ARHGEF7: variants seen among roughly 807,000 people sequenced by gnomAD.
ARHGEF7 encodes the protein Rho guanine nucleotide exchange factor 7, also known as PAK-interacting exchange factor beta.
A neutral mutation model predicts 109.8 loss-of-function variants in ARHGEF7; 33 were observed. That is an observed-to-expected ratio of 0.30 (90% confidence interval 0.23 to 0.40). ARHGEF7 has a LOEUF of 0.40. Among genes scored for constraint, ARHGEF7 ranks in the 10% least tolerant of loss-of-function variants. The pLI is 1.00. For missense variants in ARHGEF7, 938 were observed against 1,098.5 expected, an observed-to-expected ratio of 0.85 and a Z score of 2.07; for synonymous variants, 458 against 424.6, an observed-to-expected ratio of 1.08 and a Z score of -0.97.
intron 1 of ARHGEF7, 149 bp downstream of exon 1, chr13:111,115,840 C>G (rs1257591124): frequency 6.4e-5 from 16 of 250,410 alleles, no homozygotes; most frequent in East Asian, 2.1e-4. Context: ...GCGCCAGGAC[C>G]GTGGCGGGAG....
intron 2 of ARHGEF7, among the ~76,000 whole-genome samples, chr13:111,164,929 T>A (rs1191422919): frequency 6.6e-6 from 1 of 152,234 alleles, no homozygotes; most frequent in Admixed American, 6.5e-5. Flanking sequence ...CCATTTTACC[T>A]GTCAGTGATA....
chr13:111,274,392 A>G (rs1410674952), intron 10 of ARHGEF7, among the ~76,000 whole-genome samples: 1 of 152,226 alleles, frequency 6.6e-6, no homozygotes, highest in Non-Finnish European at 1.5e-5. Flanking sequence ...AACCTTTTCT[A>G]TAAGGGGGCA....
chr13:111,176,238 A>T (rs1017982499), intron 2 of ARHGEF7, among the ~76,000 whole-genome samples: 1 of 152,186 alleles, frequency 6.6e-6, no homozygotes, highest in Non-Finnish European at 1.5e-5. Context: ...CTGCTGGAGG[A>T]TTTTAAGCCT....
chr13:111,210,127 G>C, intron 4 of ARHGEF7, 125 bp downstream of exon 4: 1 of 1,274,562 alleles, frequency 7.8e-7, no homozygotes, highest in Non-Finnish European at 1.1e-6. Flanking sequence ...GCTGGACTTC[G>C]CCTCCGTTGT....
intron 1 of ARHGEF7, among the ~76,000 whole-genome samples, chr13:111,128,407 C>T (rs2067721467): frequency 6.6e-6 from 1 of 152,158 alleles, no homozygotes; most frequent in Non-Finnish European, 1.5e-5. Context: ...GCAGGAGAAT[C>T]GCCTGAACCT....
At chr13:111,182,277 A>G (rs1219538711) in intron 2 of ARHGEF7, 1 of 152,196 alleles carries the variant, frequency 6.6e-6, no homozygotes, top group Non-Finnish European at 1.5e-5. Context: ...CTCTGTACCT[A>G]ATGGAGCCCC....
chr13:111,132,363 CT>C (rs907873818), intron 1 of ARHGEF7, among the ~76,000 whole-genome samples: 3 of 152,116 alleles, frequency 2.0e-5, no homozygotes, highest in Non-Finnish European at 2.9e-5. Flanking sequence ...AATATTTCCC[CT>C]TTGATTCATT....
chr13:111,237,106 G>A (rs1404319162), intron 6 of ARHGEF7, among the ~76,000 whole-genome samples: 1 of 152,160 alleles, frequency 6.6e-6, no homozygotes, highest in East Asian at 1.9e-4. Flanking sequence ...AATGACAAAG[G>A]AAAAGATAAA....
In ARHGEF7 at chr13:111,280,320, G is replaced by C; in HGVS notation, c.1555G>C (p.Glu519Gln). ...GACAATCACAAAGCTTGAGGACAGT[G>C]AAAATCATAGAAATGCATTTGAAAT... The part of the protein sequence containing the change: ...GMTITKLEDS[E>Q]NHRNAFEISG... The change falls in exon 14 of 22, where the codon GAA becomes CAA. Residue 519 changes from glutamate (E) to glutamine (Q), a missense_variant. By Grantham distance (29) the Glu-to-Gln change is conservative. Around this residue, in one of 4 missense-constraint regions of ARHGEF7, gnomAD observed 585 missense variants for 723.6 expected, o/e 0.81. Transcript: ENST00000646102. The C allele has an allele frequency of 6.2e-7, 1 of 1,613,246 alleles. No homozygotes were observed. The highest frequency in any genetic ancestry group is 8.5e-7 in the Non-Finnish European group (1 of 1,179,778).
At chr13:111,297,113 T>G (rs1295441619) in intron 19 of ARHGEF7, among the ~76,000 whole-genome samples, 1 of 152,274 alleles carries the variant, frequency 6.6e-6, no homozygotes, top group African/African-American at 2.4e-5. Context: ...ACATCGTTCT[T>G]TAAAGAAGTA....
At chr13:111,302,453 C>T (rs529935541) in intron 21 of ARHGEF7, among the ~76,000 whole-genome samples, 32 of 152,194 alleles carry the variant, frequency 2.1e-4, no homozygotes, top group Non-Finnish European at 4.0e-4. Flanking sequence ...AAGCAGTGTC[C>T]GCAGGTCTTC....
At chr13:111,209,444 T>C (rs1256918140) in intron 3 of ARHGEF7, 1 of 153,400 alleles carries the variant, frequency 6.5e-6, no homozygotes, top group African/African-American at 2.4e-5. Context: ...TAAATAAGAG[T>C]CTTTTCCTTC....
At chr13:111,153,710 G>A (rs770593363) in intron 1 of ARHGEF7, 195 bp from the exon 2 acceptor site, 90 of 1,319,604 alleles carry the variant, frequency 6.8e-5, no homozygotes, top group East Asian at 6.0e-4. Context: ...AGCCCCGGAG[G>A]AAGAAAAAAG....
chr13:111,126,754 A>G (rs769019979), intron 1 of ARHGEF7, among the ~76,000 whole-genome samples: 21 of 152,334 alleles, frequency 1.4e-4, no homozygotes, highest in Non-Finnish European at 1.9e-4. Flanking sequence ...CTTCAAACAA[A>G]TAACCTGGAG....
intron 18 of ARHGEF7, among the ~76,000 whole-genome samples, chr13:111,290,757 A>G (rs1429267312): frequency 2.0e-5 from 3 of 152,252 alleles, no homozygotes; most frequent in Non-Finnish European, 2.9e-5. Flanking sequence ...AATTCATATT[A>G]TGGGCAAACC....
In ARHGEF7 at chr13:111,292,907, G is replaced by A. The variant is rs966804454; in HGVS notation, c.2311+613G>A. On this transcript the variant is annotated intron_variant, in intron 19 of 21. Transcript: ENST00000646102. The stretch of plus-strand genomic sequence containing the variant: ...TGGGCCTTGGCAGGTGCACAGACGG[G>A]CGGGCGTCACGTGTGTTCAGAGCTT... 13 of 987,136 alleles carry A rather than the reference G, an allele frequency of 1.3e-5. No homozygotes were observed. The Admixed American group carries it at 5.4e-4, about 41-fold the overall frequency. 61.1% of individuals were successfully genotyped at this position (987,136 alleles called of 1,614,324 possible).
chr13:111,286,135 G>T lies in ARHGEF7; in HGVS notation c.1951-12G>T. On this transcript the variant is annotated splice_polypyrimidine_tract_variant and intron_variant, in intron 16 of 21. Transcript: ENST00000646102. The stretch of plus-strand genomic sequence containing the variant: ...TTAGAGTATGTTAGCATTTTCTTTT[G>T]TCTTTCCCTAGGATCTTAGTAAGAG... The T allele has an allele frequency of 6.2e-7, 1 of 1,606,006 alleles. No homozygotes were observed. Among genetic ancestry groups the T allele is most frequent in the Non-Finnish European group, 8.5e-7 (1 of 1,172,878 alleles).
rs144515055 is a variant in ARHGEF7 at position 111,253,485 on chromosome 13, CAGT to C, written c.950+9192_950+9194del. Among the ~76,000 whole-genome samples the C allele has an allele frequency of 3.9e-3, 599 of 152,294 alleles. 7 individuals carry two copies. Among genetic ancestry groups the C allele is most frequent in the East Asian group, 0.015 (76 of 5,178 alleles). On this transcript the variant is annotated intron_variant, in intron 8 of 21. Transcript: ENST00000646102. ...ATTCTTACTTATTTTGATGGTGACTCAGTGGTGTTGTAATACTTCCCCTAAAGA... is the reference window on the plus strand; with the variant it reads ...ATTCTTACTTATTTTGATGGTGACTCGGTGTTGTAATACTTCCCCTAAAGA...
chr13:111,134,179 A>C (rs1305683780), intron 1 of ARHGEF7, among the ~76,000 whole-genome samples: 1 of 151,872 alleles, frequency 6.6e-6, no homozygotes, highest in Non-Finnish European at 1.5e-5. Flanking sequence ...CATTTTCTTA[A>C]TCCAGTCTAT....
Sources: allele counts gnomAD v4.1 joint callset (sites outside exome capture counted in the v4.1 genomes callset), GRCh38; gene constraint gnomAD v4.1.1; regional missense constraint gnomAD v4.1.1; transcripts MANE v1.5; gene names NCBI Gene and HGNC (gene_info 2026-07-23, HGNC 2026-07-21).